Variants in CACNG3 observed in about 807,000 individuals in gnomAD.
CACNG3 encodes the protein voltage-dependent calcium channel gamma-3 subunit.
A neutral mutation model predicts 28.5 loss-of-function variants in CACNG3; 3 were observed. The observed-to-expected ratio is 0.11, with a 90% confidence interval of 0.05 to 0.27. The LOEUF is 0.27. Ranked by LOEUF, CACNG3 falls within the 10% of genes least tolerant of loss-of-function variation. The pLI is 1.00. For missense variants in CACNG3, 236 were observed against 414.4 expected (o/e 0.57, Z 3.74); for synonymous variants, 174 against 162.2 (o/e 1.07, Z -0.55).
At position 24,362,170 on chromosome 16, in the gene CACNG3, A is replaced by G; in HGVS notation, c.*307A>G. On this transcript the variant is annotated 3_prime_UTR_variant, in exon 4 of 4. Coordinates refer to ENST00000005284, the MANE Select transcript of CACNG3 (RefSeq NM_006539.4). ...TCTTCCCTCCTTGGAAGAGGACTTTACTAAAAGTCACAGGTGGTGGCCAGG... is the reference window on the plus strand; with the variant it reads ...TCTTCCCTCCTTGGAAGAGGACTTTGCTAAAAGTCACAGGTGGTGGCCAGG... The G allele has an allele frequency of 4.0e-6, 1 of 252,646 alleles. No homozygotes were observed. The allele number at this position is 252,646 out of a possible 1,614,324, so 15.7% of individuals were successfully genotyped here.
intron 1 of CACNG3, among the ~76,000 whole-genome samples, chr16:24,343,917 G>A (rs540041656): frequency 2.6e-5 from 4 of 151,936 alleles, no homozygotes; most frequent in Non-Finnish European, 4.4e-5. Flanking sequence ...GTGAAACCCC[G>A]TCTCTACTAG....
At chr16:24,313,035 A>AAGG (rs1491335394) in intron 1 of CACNG3, among the ~76,000 whole-genome samples, 17 of 147,084 alleles carry the variant, frequency 1.2e-4, no homozygotes, top group East Asian at 2.1e-4. Flanking sequence ...GGAAGGAAAG[A>AAGG]AGAGAAAGAG....
At chr16:24,299,769 C>T (rs550706122) in intron 1 of CACNG3, among the ~76,000 whole-genome samples, 1 of 152,000 alleles carries the variant, frequency 6.6e-6, no homozygotes, top group Non-Finnish European at 1.5e-5. Flanking sequence ...TAGCTTTCTC[C>T]CTCCTTGAAG....
chr16:24,266,216 G>A (rs1320081415), intron 1 of CACNG3, among the ~76,000 whole-genome samples: 1 of 152,122 alleles, frequency 6.6e-6, no homozygotes, highest in Non-Finnish European at 1.5e-5. Context: ...AAAAAGAAAG[G>A]AACACTATAG....
chr16:24,309,865 G>T (rs1295369013), intron 1 of CACNG3, among the ~76,000 whole-genome samples: 1 of 152,114 alleles, frequency 6.6e-6, no homozygotes, highest in Admixed American at 6.5e-5. Flanking sequence ...CAAGGGGGTC[G>T]GGATGAGGGC....
At chr16:24,308,432 G>A (rs1471174195) in intron 1 of CACNG3, among the ~76,000 whole-genome samples, 2 of 152,144 alleles carry the variant, frequency 1.3e-5, no homozygotes, top group African/African-American at 4.8e-5. Context: ...TAGAAATTGT[G>A]CAACTTTGTG....
intron 2 of CACNG3, among the ~76,000 whole-genome samples, chr16:24,349,257 G>A (rs1899909926): frequency 1.3e-5 from 2 of 152,310 alleles, no homozygotes; most frequent in South Asian, 4.1e-4. Context: ...GTAGGCTACA[G>A]CATAAACCCA....
At chr16:24,306,702 C>T (rs1022345879) in intron 1 of CACNG3, among the ~76,000 whole-genome samples, 2 of 152,128 alleles carry the variant, frequency 1.3e-5, no homozygotes, top group East Asian at 3.9e-4. Flanking sequence ...TGCACTATCC[C>T]AGGCACAATA....
chr16:24,359,864 AAAAACAAAAC>A (rs139365514), intron 3 of CACNG3, among the ~76,000 whole-genome samples: 2 of 151,884 alleles, frequency 1.3e-5, no homozygotes, highest in Non-Finnish European at 2.9e-5. Flanking sequence ...TCCTATCTCT[AAAAACAAAAC>A]AAAACAAAAC....
intron 1 of CACNG3, among the ~76,000 whole-genome samples, chr16:24,288,399 A>G (rs542584552): frequency 6.6e-6 from 1 of 152,278 alleles, no homozygotes; most frequent in Admixed American, 6.5e-5. Flanking sequence ...GTTAGTAAGT[A>G]TTGGACCTGG....
intron 1 of CACNG3, among the ~76,000 whole-genome samples, chr16:24,317,460 T>C (rs942930054): frequency 2.7e-5 from 4 of 150,760 alleles, no homozygotes; most frequent in African/African-American, 9.8e-5. Flanking sequence ...GAGAATTGCT[T>C]GAGCCCAGAA....
intron 1 of CACNG3, among the ~76,000 whole-genome samples, chr16:24,293,178 A>G (rs967844011): frequency 6.6e-6 from 1 of 152,296 alleles, no homozygotes; most frequent in Non-Finnish European, 1.5e-5. Context: ...ATTATTTGAA[A>G]TCTTATCTGT....
chr16:24,316,628 G>C (rs1204395854), intron 1 of CACNG3, among the ~76,000 whole-genome samples: 1 of 152,152 alleles, frequency 6.6e-6, no homozygotes, highest in South Asian at 2.1e-4. Context: ...CCTCCTCACA[G>C]CAGCCCCAGT....
At chr16:24,352,160 G>A (rs1287898612) in intron 2 of CACNG3, among the ~76,000 whole-genome samples, 3 of 151,878 alleles carry the variant, frequency 2.0e-5, no homozygotes, top group African/African-American at 7.3e-5. Context: ...ACACAAACAA[G>A]CAAACGAATG....
At chr16:24,314,413 G>T (rs79239989) in intron 1 of CACNG3, among the ~76,000 whole-genome samples, 66 of 152,214 alleles carry the variant, frequency 4.3e-4, no homozygotes, top group African/African-American at 1.6e-3. Flanking sequence ...CAGCAGCCAC[G>T]GGTGATCGAG....
intron 1 of CACNG3, among the ~76,000 whole-genome samples, chr16:24,284,068 T>C (rs915875519): frequency 6.6e-6 from 1 of 152,216 alleles, no homozygotes; most frequent in African/African-American, 2.4e-5. Context: ...TTAATGTCTT[T>C]CGTATTGGCC....
intron 3 of CACNG3, among the ~76,000 whole-genome samples, chr16:24,355,677 A>G (rs760154579): frequency 4.6e-5 from 7 of 152,170 alleles, no homozygotes; most frequent in Non-Finnish European, 1.0e-4. Context: ...TGGGATTTGT[A>G]TTTGACAGCT....
At chr16:24,328,522 T>C (rs1022480176) in intron 1 of CACNG3, among the ~76,000 whole-genome samples, 15 of 151,342 alleles carry the variant, frequency 9.9e-5, no homozygotes, top group African/African-American at 3.7e-4. Context: ...CTACTGTGTA[T>C]CAGATTGGGT....
intron 1 of CACNG3, among the ~76,000 whole-genome samples, chr16:24,275,040 G>A (rs1898735790): frequency 6.6e-6 from 1 of 152,064 alleles, no homozygotes; most frequent in Non-Finnish European, 1.5e-5. Flanking sequence ...TTAAGGGATT[G>A]GCAAGGTTGA....
Sources: allele counts gnomAD v4.1 joint callset (sites outside exome capture counted in the v4.1 genomes callset), GRCh38; gene constraint gnomAD v4.1.1; transcripts MANE v1.5; gene names NCBI Gene and HGNC (gene_info 2026-07-23, HGNC 2026-07-21).